The following ALK variants were observed in gnomAD, a reference collection of about 807,000 sequenced individuals.
The protein encoded by ALK is ALK receptor tyrosine kinase, also known as ALK tyrosine kinase receptor.
A neutral mutation model predicts 163.1 loss-of-function variants in ALK; 74 were observed. The observed-to-expected ratio is 0.45, with a 90% CI of 0.38 to 0.55. The LOEUF is 0.55. ALK is among the 20% of genes least tolerant of loss of function. The pLI, the probability that ALK is intolerant of heterozygous loss-of-function variation, is 0.00. For missense variants in ALK, 2,063 were observed against 2,105.3 expected (o/e 0.98, Z 0.39); for synonymous variants, 960 against 843.2 (o/e 1.14, Z -2.40).
intron 1 of ALK, among the ~76,000 whole-genome samples, chr2:29,782,649 A>T (rs905533289): frequency 6.6e-6 from 1 of 152,128 alleles, no homozygotes; most frequent in Non-Finnish European, 1.5e-5. Context: ...TACCTTTAGG[A>T]GGCAGATTGA....
intron 1 of ALK, among the ~76,000 whole-genome samples, chr2:29,738,294 A>T (rs1679951354): frequency 6.6e-6 from 1 of 152,096 alleles, no homozygotes; most frequent in Non-Finnish European, 1.5e-5. Flanking sequence ...GACCAAATGG[A>T]TGCTTGAAAA....
At chr2:29,211,900 A>T (rs922339314) in intron 24 of ALK, among the ~76,000 whole-genome samples, 1 of 152,256 alleles carries the variant, frequency 6.6e-6, no homozygotes, top group Non-Finnish European at 1.5e-5. Flanking sequence ...CTGGGATCTA[A>T]TTCTAACCTT....
chr2:29,463,811 CCACCGGG>C (rs1671142300), intron 4 of ALK, among the ~76,000 whole-genome samples: 1 of 152,144 alleles, frequency 6.6e-6, no homozygotes, highest in South Asian at 2.1e-4. Context: ...GGGAAAACTA[CCACCGGG>C]CAAGGAAAGC....
At chr2:29,533,599 G>A (rs1344070505) in intron 3 of ALK, among the ~76,000 whole-genome samples, 1 of 152,188 alleles carries the variant, frequency 6.6e-6, no homozygotes, top group Non-Finnish European at 1.5e-5. Context: ...GCAGGAAGGG[G>A]AATGAGAGGC....
At chr2:29,590,760 T>A (rs944859622) in intron 3 of ALK, among the ~76,000 whole-genome samples, 1 of 151,972 alleles carries the variant, frequency 6.6e-6, no homozygotes, top group Non-Finnish European at 1.5e-5. Flanking sequence ...GAGCCTCATC[T>A]CTCTCCCTCC....
At chr2:29,249,817 G>C (rs567173378) in intron 12 of ALK, among the ~76,000 whole-genome samples, 95 of 152,198 alleles carry the variant, frequency 6.2e-4, no homozygotes, top group Non-Finnish European at 1.1e-3. Context: ...GGTGTAGCAG[G>C]GCCAGGGGTG....
At chr2:29,641,204 A>T (rs992655323) in intron 3 of ALK, among the ~76,000 whole-genome samples, 2 of 152,160 alleles carry the variant, frequency 1.3e-5, no homozygotes, top group Non-Finnish European at 2.9e-5. Flanking sequence ...TTTTAATGCC[A>T]GTTCACAGTT....
At chr2:29,385,089 T>A (rs557124076) in intron 4 of ALK, among the ~76,000 whole-genome samples, 1 of 150,692 alleles carries the variant, frequency 6.6e-6, no homozygotes, top group African/African-American at 2.4e-5. Flanking sequence ...GGCTTATTTA[T>A]ACATCTATGA....
At chr2:29,278,455 A>G (rs1665600768) in intron 9 of ALK, among the ~76,000 whole-genome samples, 1 of 152,178 alleles carries the variant, frequency 6.6e-6, no homozygotes, top group African/African-American at 2.4e-5. Context: ...CAGGGGAGAC[A>G]GCATGAGAGG....
At chr2:29,434,683 G>A (rs1670357022) in intron 4 of ALK, among the ~76,000 whole-genome samples, 1 of 152,174 alleles carries the variant, frequency 6.6e-6, no homozygotes, top group Admixed American at 6.6e-5. Flanking sequence ...CATAAGATAA[G>A]TTTTTATCAA....
rs564442820 is a variant in ALK at position 29,216,214 on chromosome 2, T to C, written c.3646-2133A>G. Among the ~76,000 whole-genome samples the C allele has an allele frequency of 3.9e-5, 6 of 152,322 alleles. 1 individual carries two copies. The East Asian group carries it at 1.2e-3, about 29-fold the overall frequency. On this transcript the variant is annotated intron_variant, in intron 23 of 28. Coordinates refer to ENST00000389048, the MANE Select transcript of ALK (RefSeq NM_004304.5). The stretch of plus-strand genomic sequence containing the variant: ...ACTTCCTCGGACCCAGCTGTTCTTC[T>C]CATGGCCATGGTCGTGGGCCTTGCT...
chr2:29,607,626 A>C (rs1675573403), intron 3 of ALK, among the ~76,000 whole-genome samples: 1 of 152,064 alleles, frequency 6.6e-6, no homozygotes, highest in Non-Finnish European at 1.5e-5. Context: ...AGCATTCTAC[A>C]CAGAAAATGA....
intron 4 of ALK, among the ~76,000 whole-genome samples, chr2:29,426,180 G>C (rs1474556607): frequency 6.6e-6 from 1 of 152,174 alleles, no homozygotes; most frequent in African/African-American, 2.4e-5. Flanking sequence ...GTTAAAAGCA[G>C]TGTCATCCTA....
intron 3 of ALK, among the ~76,000 whole-genome samples, chr2:29,590,307 C>T (rs1020924444): frequency 2.6e-5 from 4 of 152,194 alleles, no homozygotes; most frequent in African/African-American, 9.7e-5. Flanking sequence ...TACTCTACAA[C>T]GGTCTACCCA....
chr2:29,460,867 A>G (rs945640873), intron 4 of ALK, among the ~76,000 whole-genome samples: 4 of 152,186 alleles, frequency 2.6e-5, no homozygotes, highest in Non-Finnish European at 5.9e-5. Flanking sequence ...AAGCTTGGTA[A>G]GGAAGGCATG....
At chr2:29,751,469 C>T (rs1347867717) in intron 1 of ALK, among the ~76,000 whole-genome samples, 1 of 151,998 alleles carries the variant, frequency 6.6e-6, no homozygotes, top group East Asian at 1.9e-4. Context: ...TTGGGTTCTG[C>T]CTGCCCCATG....
intron 1 of ALK, among the ~76,000 whole-genome samples, chr2:29,803,071 T>C (rs1162272815): frequency 6.6e-6 from 1 of 152,276 alleles, no homozygotes; most frequent in African/African-American, 2.4e-5. Flanking sequence ...TGAACTGTTA[T>C]GCAAGTAAGG....
intron 11 of ALK, among the ~76,000 whole-genome samples, chr2:29,269,856 G>A (rs1665333129): frequency 6.6e-6 from 1 of 152,202 alleles, no homozygotes; most frequent in Non-Finnish European, 1.5e-5. Flanking sequence ...CACCAGTGAA[G>A]GCTGGGGAGC....
intron 1 of ALK, among the ~76,000 whole-genome samples, chr2:29,773,573 G>A (rs546863788): frequency 6.6e-6 from 1 of 152,264 alleles, no homozygotes; most frequent in African/African-American, 2.4e-5. Context: ...ATAATGATGA[G>A]TTTCTTTAGC....
Sources: gnomAD v4.1 joint callset for allele counts (sites outside exome capture counted in the v4.1 genomes callset) on GRCh38, gnomAD v4.1.1 for gene constraint, MANE v1.5 for transcripts, NCBI Gene and HGNC (gene_info 2026-07-23, HGNC 2026-07-21) for gene names.